The following CCDC102B variants were observed in gnomAD, a reference collection of about 807,000 sequenced individuals.
CCDC102B encodes coiled-coil domain containing 102B.
Under a neutral mutation model 57.4 loss-of-function variants are expected in CCDC102B, and 75 were observed. The ratio of observed to expected loss-of-function variants is 1.31; its 90% CI spans 1.08 to 1.58. CCDC102B has a LOEUF of 1.58. Ranked by LOEUF, CCDC102B falls within the 40% of genes most tolerant of loss-of-function variation. CCDC102B has a pLI of 0.00. For synonymous variants in CCDC102B, 206 were observed against 201.9 expected, an observed-to-expected ratio of 1.02 and a Z score of -0.17; for missense variants, 636 against 582.6, an observed-to-expected ratio of 1.09 and a Z score of -0.94.
At chr18:68,760,296 C>T (rs1245278633) in intron 2 of CCDC102B, among the ~76,000 whole-genome samples, 6 of 151,936 alleles carry the variant, frequency 3.9e-5, no homozygotes, top group South Asian at 2.1e-4. Flanking sequence ...CACACCCCAA[C>T]GACCTGTAAT....
chr18:68,836,829 A>G lies in CCDC102B; in HGVS notation c.66A>G (p.Ser22=). 1 of 1,614,026 alleles carries G rather than the reference A, an allele frequency of 6.2e-7. No homozygotes were observed. The highest frequency in any genetic ancestry group is 1.1e-5 in the South Asian group (1 of 91,080). ...AGATCTTCCAGATGCAACAATCATC[A>G]ATTAAGTCACGCGGCGACATGGTGG... ...ETQIFQMQQS[S]IKSRGDMVAP... is the part of the protein sequence containing the mutation. Residue 22 remains serine, a synonymous_variant, in exon 2 of 8, where the codon TCA becomes TCG. Transcript: ENST00000360242.
chr18:68,956,501 TATAA>T lies in CCDC102B; in HGVS notation c.1264-54432_1264-54429del, dbSNP rs1568352563. Among the ~76,000 whole-genome samples, 58 of 42,770 alleles carry T rather than the reference TATAA, an allele frequency of 1.4e-3. 4 individuals carry two copies. The highest frequency in any genetic ancestry group is 9.3e-3 in the African/African-American group (47 of 5,034). 28.1% of individuals were successfully genotyped at this position (42,770 alleles called of 152,430 possible). A position where few individuals can be genotyped will look rare whatever the true frequency, so the allele number is the denominator to read the frequency against. ...ATATATATAATATATATATAAAATA[TATAA>T]TATATATATCGCATATTATATATAT... On this transcript the variant is annotated intron_variant, in intron 6 of 7. Transcript: ENST00000360242.
chr18:68,747,302 C>A (rs1258286496), intron 2 of CCDC102B, among the ~76,000 whole-genome samples: 1 of 152,054 alleles, frequency 6.6e-6, no homozygotes, highest in Non-Finnish European at 1.5e-5. Context: ...TTTTCTTTCT[C>A]TCCCACATAT....
intron 7 of CCDC102B, among the ~76,000 whole-genome samples, chr18:69,018,237 A>G (rs1011761288): frequency 6.6e-6 from 1 of 152,238 alleles, no homozygotes; most frequent in African/African-American, 2.4e-5. Context: ...TATATACACA[A>G]CGTGTGTATA....
intron 6 of CCDC102B, among the ~76,000 whole-genome samples, chr18:68,956,694 A>G (rs1270158519): frequency 7.0e-6 from 1 of 142,924 alleles, no homozygotes; most frequent in African/African-American, 2.6e-5. Context: ...GTTTTTGAGG[A>G]ACCTCCAAAC....
intron 6 of CCDC102B, among the ~76,000 whole-genome samples, chr18:68,927,582 T>C (rs919278045): frequency 1.1e-4 from 16 of 151,974 alleles, no homozygotes; most frequent in African/African-American, 2.9e-4. Context: ...CATTGATTGA[T>C]TTAAATTTCA....
intron 5 of CCDC102B, among the ~76,000 whole-genome samples, chr18:68,875,197 T>C (rs2039394995): frequency 6.6e-6 from 1 of 152,142 alleles, no homozygotes; most frequent in African/African-American, 2.4e-5. Flanking sequence ...ATAAAATAAA[T>C]TCACTTTTGT....
chr18:68,874,316 A>G (rs2039357570), intron 4 of CCDC102B, among the ~76,000 whole-genome samples: 1 of 151,890 alleles, frequency 6.6e-6, no homozygotes, highest in Admixed American at 6.6e-5. Context: ...TACAGAGAAT[A>G]CTGAGGTACT....
At chr18:68,755,131 T>G (rs1342352599) in intron 2 of CCDC102B, 1 of 152,230 alleles carries the variant, frequency 6.6e-6, no homozygotes, top group African/African-American at 2.4e-5. Flanking sequence ...GTAACTTGCA[T>G]AGTTGGCATT....
At chr18:68,778,112 C>A (rs537656095) in intron 2 of CCDC102B, among the ~76,000 whole-genome samples, 1 of 152,082 alleles carries the variant, frequency 6.6e-6, no homozygotes, top group Non-Finnish European at 1.5e-5. Flanking sequence ...ACTTTATGAC[C>A]GTCAGATGTG....
At chr18:68,781,375 A>G (rs1016005812) in intron 2 of CCDC102B, among the ~76,000 whole-genome samples, 1 of 152,144 alleles carries the variant, frequency 6.6e-6, no homozygotes, top group Non-Finnish European at 1.5e-5. Context: ...GGCTGAATTC[A>G]AGATTCTTTA....
chr18:68,746,705 G>T (rs1202934511), intron 2 of CCDC102B, among the ~76,000 whole-genome samples: 1 of 151,438 alleles, frequency 6.6e-6, no homozygotes, highest in Non-Finnish European at 1.5e-5. Context: ...TCGTCCCACG[G>T]ATTCCATGTC....
intron 2 of CCDC102B, among the ~76,000 whole-genome samples, 195 bp downstream of exon 2, chr18:68,837,564 A>T (rs527418207): frequency 1.5e-3 from 230 of 152,320 alleles, no homozygotes; most frequent in Middle Eastern, 6.8e-3. Context: ...TACAAGATCA[A>T]CATGCTAGCA....
At chr18:68,747,240 C>G (rs138132688) in intron 2 of CCDC102B, among the ~76,000 whole-genome samples, 1 of 151,874 alleles carries the variant, frequency 6.6e-6, no homozygotes, top group Non-Finnish European at 1.5e-5. Flanking sequence ...TTCTCTGCTC[C>G]CCTTCCCATC....
intron 1 of CCDC102B, among the ~76,000 whole-genome samples, chr18:68,808,346 A>C (rs903299357): frequency 6.6e-6 from 1 of 152,044 alleles, no homozygotes; most frequent in South Asian, 2.1e-4. Flanking sequence ...TCAATATATT[A>C]CTAGCTGCTG....
chr18:68,771,553 T>A (rs995618097), intron 2 of CCDC102B, among the ~76,000 whole-genome samples: 1 of 152,154 alleles, frequency 6.6e-6, no homozygotes, highest in Non-Finnish European at 1.5e-5. Context: ...GGGGTTTAGG[T>A]AACCCTTATG....
intron 6 of CCDC102B, among the ~76,000 whole-genome samples, chr18:68,968,688 A>G (rs1488241544): frequency 6.6e-6 from 1 of 152,128 alleles, no homozygotes; most frequent in Non-Finnish European, 1.5e-5. Context: ...TACCCACTGA[A>G]CAACTCCCCA....
chr18:68,776,454 T>C (rs1014507859), intron 2 of CCDC102B, among the ~76,000 whole-genome samples: 6 of 152,144 alleles, frequency 3.9e-5, no homozygotes, highest in Non-Finnish European at 8.8e-5. Flanking sequence ...GAAAATGTGG[T>C]ACATATACAC....
chr18:68,741,751 CAA>C (rs2033403055), intron 2 of CCDC102B, among the ~76,000 whole-genome samples: 1 of 150,668 alleles, frequency 6.6e-6, no homozygotes, highest in African/African-American at 2.5e-5. Flanking sequence ...GCTCATATAA[CAA>C]GGCTTTCTTG....
Sources: allele counts gnomAD v4.1 joint callset (sites outside exome capture counted in the v4.1 genomes callset), GRCh38; gene constraint gnomAD v4.1.1; transcripts MANE v1.5; gene names NCBI Gene and HGNC (gene_info 2026-07-23, HGNC 2026-07-21).